Variants in EYS observed in about 807,000 individuals in gnomAD.
EYS encodes the protein protein eyes shut homolog.
Under a neutral mutation model 282.1 loss-of-function variants are expected in EYS, and 250 were observed. The ratio of observed to expected loss-of-function variants is 0.89; its 90% CI spans 0.80 to 0.98. The LOEUF is 0.98. Among genes scored for constraint, EYS ranks in the 50% least tolerant of loss-of-function variants. The probability of loss-of-function intolerance (pLI) is 0.00; values close to 1 mark genes in which losing one functional copy is unlikely to be tolerated. For missense variants in EYS, 4,016 were observed against 3,709.0 expected, an observed-to-expected ratio of 1.08 and a Z score of -2.15; for synonymous variants, 1,355 against 1,282.9, an observed-to-expected ratio of 1.06 and a Z score of -1.20.
chr6:64,041,029 A>G (rs1770365119), intron 33 of EYS, among the ~76,000 whole-genome samples: 1 of 152,236 alleles, frequency 6.6e-6, no homozygotes, highest in African/African-American at 2.4e-5. Flanking sequence ...TTACATTTTA[A>G]TTTTAAACAT....
intron 5 of EYS, among the ~76,000 whole-genome samples, chr6:65,442,396 T>A (rs1768366908): frequency 6.6e-6 from 1 of 152,094 alleles, no homozygotes; most frequent in Admixed American, 6.6e-5. Context: ...AATTTTATTA[T>A]TTATTTTATG....
At chr6:65,063,217 A>G (rs922664321) in intron 12 of EYS, among the ~76,000 whole-genome samples, 1 of 152,012 alleles carries the variant, frequency 6.6e-6, no homozygotes, top group Non-Finnish European at 1.5e-5. Flanking sequence ...AATATTTATG[A>G]ATATCATTAT....
chr6:64,682,182 G>T (rs1769924012), intron 22 of EYS, among the ~76,000 whole-genome samples: 1 of 152,082 alleles, frequency 6.6e-6, no homozygotes, highest in Non-Finnish European at 1.5e-5. Context: ...GGCTAATAGG[G>T]TGAAATCCTG....
chr6:64,428,926 T>C (rs931610068), intron 28 of EYS, among the ~76,000 whole-genome samples: 11 of 152,266 alleles, frequency 7.2e-5, no homozygotes, highest in Middle Eastern at 3.4e-3. Context: ...ATGCAGCTGC[T>C]ATGTGCTTCT....
intron 39 of EYS, 75 bp from the exon 40 acceptor site, chr6:63,778,255 T>A: frequency 7.1e-7 from 1 of 1,415,720 alleles, no homozygotes; most frequent in Non-Finnish European, 9.7e-7. Context: ...TTATTTTTCA[T>A]TTTTAAAGTA....
Position 64,590,563 on chromosome 6 carries a change from A to T in EYS, c.5304T>A (p.Asn1768Lys), listed in dbSNP as rs1243722761. The change falls in exon 26 of 43, where the codon AAT becomes AAA. Residue 1768 changes from asparagine (N) to lysine (K), a missense_variant. Asn to Lys is a moderately conservative substitution (Grantham distance 94). Coordinates refer to ENST00000503581, the MANE Select transcript of EYS (RefSeq NM_001142800.2). ...ATGGTGGCAGATTATTTTTGAAGTC[A>T]TTTGCATGTGTAATTTCTGAATATG... Reference protein sequence around the residue: ...LKTYSEITHANDFKNNLPPLT... With the variant: ...LKTYSEITHAKDFKNNLPPLT... 6.4e-7 allele frequency: 1 copy of T among 1,551,406 alleles called. No homozygotes were observed. Among genetic ancestry groups the T allele is most frequent in the Admixed American group, 2.0e-5 (1 of 50,968 alleles).
intron 5 of EYS, among the ~76,000 whole-genome samples, chr6:65,452,871 T>C (rs1764456441): frequency 6.6e-6 from 1 of 152,006 alleles, no homozygotes; most frequent in Non-Finnish European, 1.5e-5. Context: ...CAAACATCCA[T>C]TGACCAACAA....
chr6:64,722,543 C>G (rs1391467989), intron 22 of EYS, among the ~76,000 whole-genome samples: 1 of 151,300 alleles, frequency 6.6e-6, no homozygotes, highest in Non-Finnish European at 1.5e-5. Flanking sequence ...GAAACTAACC[C>G]ATCTGAATCC....
At chr6:64,179,636 C>T (rs1190537352) in intron 31 of EYS, among the ~76,000 whole-genome samples, 1 of 151,994 alleles carries the variant, frequency 6.6e-6, no homozygotes, top group Non-Finnish European at 1.5e-5. Context: ...TATAAAATAT[C>T]CTTGGTGCCA....
intron 22 of EYS, among the ~76,000 whole-genome samples, chr6:64,660,635 C>T (rs1261138772): frequency 1.3e-5 from 2 of 152,114 alleles, no homozygotes; most frequent in African/African-American, 4.8e-5. Context: ...CTCCCATTCA[C>T]AATTGTTTCA....
chr6:65,443,923 T>A (rs1163378892), intron 5 of EYS, among the ~76,000 whole-genome samples: 4 of 151,814 alleles, frequency 2.6e-5, no homozygotes, highest in African/African-American at 9.7e-5. Flanking sequence ...TTTATATCCA[T>A]AAGATCAGAA....
At chr6:64,997,048 A>G (rs9363311) in intron 14 of EYS, among the ~76,000 whole-genome samples, 10,308 of 152,188 alleles carry the variant, frequency 0.068, 443 homozygotes, top group East Asian at 0.13. Context: ...TCAATTGCCA[A>G]CCATGTCACA....
intron 23 of EYS, among the ~76,000 whole-genome samples, chr6:64,618,545 T>C (rs1365027345): frequency 2.0e-5 from 3 of 152,214 alleles, no homozygotes; most frequent in African/African-American, 7.2e-5. Flanking sequence ...TTATTGTTTA[T>C]ACTTAGGAAG....
intron 22 of EYS, among the ~76,000 whole-genome samples, chr6:64,666,926 T>TGC (rs1769251869): frequency 6.6e-6 from 1 of 152,172 alleles, no homozygotes; most frequent in South Asian, 2.1e-4. Flanking sequence ...TTTCCTAGAC[T>TGC]TTTGTGTTTT....
At chr6:63,888,985 A>G (rs924166224) in intron 35 of EYS, among the ~76,000 whole-genome samples, 8 of 152,198 alleles carry the variant, frequency 5.3e-5, no homozygotes, top group Non-Finnish European at 1.2e-4. Flanking sequence ...CGTAAACTTC[A>G]TGAAGCATAC....
chr6:64,285,799 T>C (rs1327339105), intron 30 of EYS, among the ~76,000 whole-genome samples: 1 of 152,152 alleles, frequency 6.6e-6, no homozygotes, highest in Non-Finnish European at 1.5e-5. Context: ...TGGAAACCCC[T>C]GATAAACCCA....
chr6:64,800,186 T>C (rs1030285841), intron 22 of EYS, among the ~76,000 whole-genome samples: 1 of 152,044 alleles, frequency 6.6e-6, no homozygotes, highest in Middle Eastern at 3.2e-3. Context: ...AGAAATAAAG[T>C]ATGCTGCAAA....
At chr6:63,753,138 G>GTGTATATATATATATATATATATATA (rs1562009706) in intron 41 of EYS, among the ~76,000 whole-genome samples, 17 of 64,308 alleles carry the variant, frequency 2.6e-4, no homozygotes, top group African/African-American at 1.5e-3. Context: ...ATGTGTGTGT[G>GTGTATATATATATATATATATATATA]TGTATATATA....
chr6:64,901,361 A>T (rs528098909), intron 18 of EYS, among the ~76,000 whole-genome samples: 1 of 150,320 alleles, frequency 6.7e-6, no homozygotes, highest in Non-Finnish European at 1.5e-5. Flanking sequence ...AAAATTAATC[A>T]TCTCAAAATG....
Sources: gnomAD v4.1 joint callset for allele counts (sites outside exome capture counted in the v4.1 genomes callset) on GRCh38, gnomAD v4.1.1 for gene constraint, MANE v1.5 for transcripts, NCBI Gene and HGNC (gene_info 2026-07-23, HGNC 2026-07-21) for gene names.